The following ARSG variants were observed in gnomAD, a reference collection of about 807,000 sequenced individuals.
ARSG encodes the protein ASG.
ARSG carries 37 observed loss-of-function variants against 50.5 expected under a neutral mutation model. The ratio of observed to expected loss-of-function variants is 0.73; its 90% confidence interval spans 0.56 to 0.96. ARSG has a LOEUF of 0.96. Among genes scored for constraint, ARSG ranks in the 50% least tolerant of loss-of-function variants. The pLI, the probability that ARSG is intolerant of heterozygous loss-of-function variation, is 0.00. For synonymous variants in ARSG, 225 were observed against 254.6 expected (o/e 0.88, Z 1.11); for missense variants, 629 against 675.3 (o/e 0.93, Z 0.76).
chr17:68,280,211 T>C (rs1326661432), intron 1 of ARSG, among the ~76,000 whole-genome samples: 1 of 148,706 alleles, frequency 6.7e-6, no homozygotes, highest in African/African-American at 2.5e-5. Context: ...GAATTATTTA[T>C]ATATGACCCA....
At chr17:68,278,984 A>G (rs570803988) in intron 1 of ARSG, among the ~76,000 whole-genome samples, 1 of 152,298 alleles carries the variant, frequency 6.6e-6, no homozygotes, top group South Asian at 2.1e-4. Context: ...ATGCATATAT[A>G]TGTATATACA....
chr17:68,397,276 A>G (rs150082407), intron 10 of ARSG, among the ~76,000 whole-genome samples: 12 of 152,332 alleles, frequency 7.9e-5, no homozygotes, highest in Non-Finnish European at 8.8e-5. Flanking sequence ...AGCTGGAGTC[A>G]GGACTGATTT....
At chr17:68,345,838 A>G (rs1057161750) in intron 3 of ARSG, among the ~76,000 whole-genome samples, 24 of 152,166 alleles carry the variant, frequency 1.6e-4, no homozygotes, top group Non-Finnish European at 2.6e-4. Context: ...GTAATGTTTA[A>G]TCCAAATATT....
intron 9 of ARSG, among the ~76,000 whole-genome samples, chr17:68,394,867 G>A (rs1254865021): frequency 6.6e-6 from 1 of 152,188 alleles, no homozygotes; most frequent in Non-Finnish European, 1.5e-5. Context: ...GAGCCTGGGT[G>A]CTGAACCGCT....
chr17:68,353,042 G>A (rs1191483522), intron 5 of ARSG, among the ~76,000 whole-genome samples: 1 of 152,052 alleles, frequency 6.6e-6, no homozygotes, highest in East Asian at 1.9e-4. Flanking sequence ...TAAAACAATA[G>A]TTAATATAAT....
intron 9 of ARSG, among the ~76,000 whole-genome samples, chr17:68,394,405 C>T (rs1309476250): frequency 6.6e-6 from 1 of 151,966 alleles, no homozygotes; most frequent in Non-Finnish European, 1.5e-5. Context: ...AGTTTGAAAC[C>T]AGCCTAGGCA....
chr17:68,352,164 A>AGGG (rs2078824519), intron 5 of ARSG, among the ~76,000 whole-genome samples: 1 of 48,812 alleles, frequency 2.0e-5, no homozygotes, highest in Non-Finnish European at 5.7e-5. Flanking sequence ...AGAGAGAGAC[A>AGGG]GAGAGAGAGA....
intron 1 of ARSG, chr17:68,277,999 C>T (rs2075579340): frequency 5.0e-6 from 4 of 804,900 alleles, no homozygotes; most frequent in East Asian, 5.3e-5. Context: ...GGAATGAAAG[C>T]ATCACAAACA....
chr17:68,278,945 C>T (rs2075611322), intron 1 of ARSG, among the ~76,000 whole-genome samples: 2 of 152,112 alleles, frequency 1.3e-5, no homozygotes, highest in East Asian at 3.9e-4. Context: ...AAATCATGTA[C>T]AAGCAGTATA....
intron 1 of ARSG, among the ~76,000 whole-genome samples, chr17:68,305,816 G>A (rs531061253): frequency 6.6e-6 from 1 of 152,116 alleles, no homozygotes. Flanking sequence ...GCTCACACCT[G>A]TAATCCCAGC....
intron 5 of ARSG, among the ~76,000 whole-genome samples, chr17:68,353,067 G>C (rs957722486): frequency 3.3e-5 from 5 of 152,040 alleles, no homozygotes; most frequent in Non-Finnish European, 7.4e-5. Flanking sequence ...GGTATTTATT[G>C]AGAAATTGTT....
downstream of ARSG, chr17:68,426,254 G>GGGGGGGGGGT: frequency 1.2e-6 from 1 of 816,924 alleles, no homozygotes; most frequent in Admixed American, 2.3e-5. Flanking sequence ...GGGAGCGGGG[G>GGGGGGGGGGT]CTCAAATAAA....
rs2080095413 is a variant in ARSG, at chr17:68,375,395, C to T, written c.982+4871C>T. 2.6e-5 allele frequency among the ~76,000 whole-genome samples: 4 copies of T among 152,094 alleles called. No individual in the cohort carries two copies. In the South Asian group the frequency reaches 8.3e-4, roughly 32 times the overall value. ...AACAGTACAAATTTTAGGGCTTCAC[C>T]CCGGGCCAAAAGAATCAGAAGCACT... On this transcript the variant is annotated intron_variant, in intron 8 of 11. Transcript: ENST00000621439.
At chr17:68,350,370 G>GTTC (rs2078701223) in intron 4 of ARSG, among the ~76,000 whole-genome samples, 1 of 152,224 alleles carries the variant, frequency 6.6e-6, no homozygotes, top group Non-Finnish European at 1.5e-5. Context: ...TGAGATTCGA[G>GTTC]TTCTATCTAC....
At chr17:68,389,378 G>A (rs962937434) in intron 9 of ARSG, among the ~76,000 whole-genome samples, 1 of 152,154 alleles carries the variant, frequency 6.6e-6, no homozygotes, top group African/African-American at 2.4e-5. Flanking sequence ...AGAGGGACTC[G>A]TGTGTGGATG....
chr17:68,433,798 TG>T, the ARSG span, among the ~76,000 whole-genome samples: 2 of 96,534 alleles, frequency 2.1e-5, no homozygotes, highest in African/African-American at 8.6e-5. Flanking sequence ...TTTTTTTTTT[TG>T]AGACAGAGTC....
intron 1 of ARSG, among the ~76,000 whole-genome samples, chr17:68,304,617 C>G (rs1243052910): frequency 6.6e-6 from 1 of 152,188 alleles, no homozygotes; most frequent in African/African-American, 2.4e-5. Flanking sequence ...CCAGGCCTAT[C>G]TTTTTTACAC....
intron 9 of ARSG, among the ~76,000 whole-genome samples, chr17:68,386,409 C>T (rs1317736353): frequency 6.6e-6 from 1 of 152,144 alleles, no homozygotes; most frequent in African/African-American, 2.4e-5. Flanking sequence ...CACCCTCTGA[C>T]TTCCCTAGAT....
rs1555748714 is a variant in ARSG at position 68,271,493 on chromosome 17, G to A, written c.-552+12067G>A. On this transcript the variant is annotated intron_variant, in intron 1 of 11. Transcript: ENST00000448504. The surrounding 1 kb of genome is among the most constrained non-coding windows in gnomAD (Gnocchi z 5.3). ...GTTTTCTCATTTTCAAGCATATACT[G>A]CGCTTCTTTCCGATTTTCCTGGATG... 6.2e-7 allele frequency: 1 copy of A among 1,614,160 alleles called. No homozygotes were observed.
Sources: allele counts gnomAD v4.1 joint callset (sites outside exome capture counted in the v4.1 genomes callset), GRCh38; gene constraint gnomAD v4.1.1; non-coding constraint Gnocchi (gnomAD v3.1); transcripts MANE v1.5; gene names NCBI Gene and HGNC (gene_info 2026-07-23, HGNC 2026-07-21).